MAP4K2: variants seen among roughly 807,000 people sequenced by gnomAD.
MAP4K2 encodes B lymphocyte serine/threonine protein kinase.
A neutral mutation model predicts 125.3 loss-of-function variants in MAP4K2; 85 were observed. That is an observed-to-expected ratio of 0.68 (90% confidence interval 0.57 to 0.81). MAP4K2 has a LOEUF of 0.81. Ranked by LOEUF, MAP4K2 falls within the 40% of genes least tolerant of loss-of-function variation. The pLI, the probability that MAP4K2 is intolerant of heterozygous loss-of-function variation, is 0.00. For missense variants in MAP4K2, 923 were observed against 1,056.4 expected, an observed-to-expected ratio of 0.87 and a Z score of 1.75; for synonymous variants, 479 against 445.1, an observed-to-expected ratio of 1.08 and a Z score of -0.96.
In MAP4K2 at chr11:64,797,027, G is replaced by C; in HGVS notation, c.1366-4C>G. On this transcript the variant is annotated splice_polypyrimidine_tract_variant and splice_region_variant and intron_variant, in intron 19 of 31. Transcript: ENST00000294066. ...GGAGCCCGTGGCAGGATGACCTCTG[G>C]GAGGGAGGAAAGGAGTCAGGGCTGA... 1 of 1,614,080 alleles carries C rather than the reference G, an allele frequency of 6.2e-7. No homozygotes were observed. The highest frequency in any genetic ancestry group is 8.5e-7 in the Non-Finnish European group (1 of 1,180,004).
intron 24 of MAP4K2, among the ~76,000 whole-genome samples, chr11:64,794,625 C>A (rs531560016): frequency 6.6e-6 from 1 of 152,074 alleles, no homozygotes; most frequent in Non-Finnish European, 1.5e-5. Context: ...TCCCAAAGTG[C>A]GGGATTACAG....
intron 27 of MAP4K2, 151 bp downstream of exon 27, chr11:64,791,758 G>A: frequency 1.3e-6 from 1 of 744,258 alleles, no homozygotes; most frequent in Non-Finnish European, 2.0e-6. Flanking sequence ...GGGAGGCTGT[G>A]GGCCCCAGAC....
chr11:64,794,867 G>A (rs922091921), intron 24 of MAP4K2, among the ~76,000 whole-genome samples: 3 of 151,920 alleles, frequency 2.0e-5, no homozygotes, highest in South Asian at 4.2e-4. Context: ...CCTCAGTACC[G>A]GCTGCTAACT....
Position 64,792,056 on chromosome 11 carries a change from C to G in MAP4K2, c.1945G>C (p.Gly649Arg). 1 of 1,593,244 alleles carries G rather than the reference C, an allele frequency of 6.3e-7. No individual in the cohort carries two copies. Among genetic ancestry groups the G allele is most frequent in the Non-Finnish European group, 8.5e-7 (1 of 1,170,350 alleles). Residue 649 changes from glycine to arginine, a missense_variant, in exon 27 of 32, where the codon GGG becomes CGG. Around this residue, in one of 2 missense-constraint regions of MAP4K2, gnomAD observed 833 missense variants for 911.4 expected, o/e 0.91. Transcript: ENST00000294066. ...NFSSPLPSPA[G>R]MLEPLVLDGK... ...TCCAGCACCAGCGGCTCCAGCATCC[C>G]AGCTGGGCTGGGCAGAGGGCTGGAG...
chr11:64,792,825 T>C (rs1288365351), intron 24 of MAP4K2, among the ~76,000 whole-genome samples: 1 of 152,152 alleles, frequency 6.6e-6, no homozygotes, highest in African/African-American at 2.4e-5. Context: ...CTGGGAATCG[T>C]GTGTGCTCAC....
chr11:64,802,754 C>A, intron 2 of MAP4K2, 101 bp from the exon 3 acceptor site: 1 of 1,458,326 alleles, frequency 6.9e-7, no homozygotes, highest in Non-Finnish European at 9.4e-7. Context: ...CCGGGCCAGG[C>A]AGGTGCAGGT....
chr11:64,802,801 G>A (rs1592618120), intron 2 of MAP4K2, 84 bp downstream of exon 2: 1 of 1,512,690 alleles, frequency 6.6e-7, no homozygotes, highest in Admixed American at 1.9e-5. Flanking sequence ...CAGGGGTCTC[G>A]GAAACGTCAA....
chr11:64,796,370 C>A lies in MAP4K2; in HGVS notation c.1654G>T (p.Ala552Ser). The change falls in exon 24 of 32, where the codon GCC becomes TCC. Residue 552 changes from alanine (A) to serine (S), a missense_variant. Ala to Ser is a moderately conservative substitution (Grantham distance 99, BLOSUM62 1). Coordinates refer to ENST00000294066, the MANE Select transcript of MAP4K2 (RefSeq NM_004579.5). ...SLSGKSTHIW[A>S]HDLPGLFEQR... ...TCAAACAGGCCTGGGAGGTCATGGGCCCAGATGTGCGTGGATTTCCCTGCA... is the reference window on the plus strand; with the variant it reads ...TCAAACAGGCCTGGGAGGTCATGGGACCAGATGTGCGTGGATTTCCCTGCA... The A allele has an allele frequency of 6.2e-7, 1 of 1,600,996 alleles. No homozygotes were observed. Among genetic ancestry groups the A allele is most frequent in the Non-Finnish European group, 8.5e-7 (1 of 1,172,938 alleles).
intron 24 of MAP4K2, among the ~76,000 whole-genome samples, chr11:64,793,216 C>CAA (rs35347538): frequency 2.3e-4 from 35 of 149,174 alleles, no homozygotes; most frequent in South Asian, 1.1e-3. Flanking sequence ...AACTCGGTCT[C>CAA]AAAAAAAAAG....
rs911888334 is a variant in MAP4K2 at position 64,787,986 on chromosome 11, C to T, written c.*1551G>A. 22 of 152,218 alleles carry T rather than the reference C, an allele frequency of 1.4e-4. No individual in the cohort carries two copies. The highest frequency in any genetic ancestry group is 5.1e-4 in the African/African-American group (21 of 41,438). The allele number at this position is 152,218 out of a possible 1,614,324, so 9.4% of individuals were successfully genotyped here. On this transcript the variant is annotated 3_prime_UTR_variant, in exon 32 of 32. Transcript: ENST00000294066. ...GGTGCCCCTCACCCTCCTTGGGGCT[C>T]ACGGGAACATGGGTGTGAATGCCTG...
In MAP4K2 at chr11:64,789,970, C is replaced by G; in HGVS notation, c.2249-11G>C. On this transcript the variant is annotated splice_polypyrimidine_tract_variant and intron_variant, in intron 29 of 31. Coordinates refer to ENST00000294066, the MANE Select transcript of MAP4K2 (RefSeq NM_004579.5). ...TGTCCTGCAGGCACACTATGGGGGC[C>G]AGGCCACCATCAGCCCTGCACCCAT... The G allele has an allele frequency of 6.2e-7, 1 of 1,612,848 alleles. No individual in the cohort carries two copies. The highest frequency in any genetic ancestry group is 8.5e-7 in the Non-Finnish European group (1 of 1,179,826).
chr11:64,800,220 G>C lies in MAP4K2; in HGVS notation c.808-4C>G, dbSNP rs2301564. On this transcript the variant is annotated splice_polypyrimidine_tract_variant and splice_region_variant and intron_variant, in intron 11 of 31. Coordinates refer to ENST00000294066, the MANE Select transcript of MAP4K2 (RefSeq NM_004579.5). ...GCTGCTGAGTCGTGAACGGGTGCTG[G>C]AAAGTGGGGGAGGGGGGTGATCAGG... 0.026 allele frequency: 41,754 copies of C among 1,612,652 alleles called. 3,868 individuals carry two copies. The East Asian group carries it at 0.27, about 11-fold the overall frequency.
rs576890518 is a variant in MAP4K2, at chr11:64,797,623, C to T, written c.1136+3G>A. On this transcript the variant is annotated splice_donor_region_variant and intron_variant, in intron 16 of 31. Coordinates refer to ENST00000294066, the MANE Select transcript of MAP4K2 (RefSeq NM_004579.5). Reference sequence around the variant, plus strand: ...GCCCCTCCCCCAGGCCCACATCCCTCACCTTTCCTCCAGGGCCTCCTGGAC... The same window carrying T: ...GCCCCTCCCCCAGGCCCACATCCCTTACCTTTCCTCCAGGGCCTCCTGGAC... 6.3e-6 allele frequency: 10 copies of T among 1,581,836 alleles called. No individual in the cohort carries two copies. The African/African-American group carries it at 1.1e-4, about 17-fold the overall frequency.
intron 29 of MAP4K2, 50 bp downstream of exon 29, chr11:64,790,138 A>G (rs781537229): frequency 2.5e-6 from 4 of 1,601,604 alleles, no homozygotes; most frequent in African/African-American, 2.7e-5. Flanking sequence ...CTGAGCAACA[A>G]CGTGCTCCAG....
chr11:64,791,455 C>T (rs1940470333), intron 27 of MAP4K2, among the ~76,000 whole-genome samples: 1 of 152,324 alleles, frequency 6.6e-6, no homozygotes, highest in Non-Finnish European at 1.5e-5. Context: ...GAACATGGCT[C>T]ACAACTGCCT....
At position 64,800,845 on chromosome 11, in the gene MAP4K2, C is replaced by T; in HGVS notation, c.663-19G>A. ...CAGGGCCCTGTGGAGGGCGCGAGGT[C>T]AGGGGCCACAGGCCGCAGATCAAGG... On this transcript the variant is annotated intron_variant, in intron 9 of 31. Coordinates refer to ENST00000294066, the MANE Select transcript of MAP4K2 (RefSeq NM_004579.5). 1 of 1,613,572 alleles carries T rather than the reference C, an allele frequency of 6.2e-7. No individual in the cohort carries two copies. The highest frequency in any genetic ancestry group is 8.5e-7 in the Non-Finnish European group (1 of 1,179,834).
At position 64,802,649 on chromosome 11, in the gene MAP4K2, G is replaced by A. The variant is rs375333253; in HGVS notation, c.159C>T (p.Asp53=). 6.2e-7 allele frequency: 1 copy of A among 1,612,244 alleles called. No homozygotes were observed. The highest frequency in any genetic ancestry group is 2.2e-5 in the East Asian group (1 of 44,858). ...AVKIVKLDPG[D]DISSLQQEIT... is the part of the protein sequence containing the mutation. ...TTTCCTGCTGGAGGGAGCTGATGTCGTCCCCTGGGAAGCACAAAGCATCAT... is the reference window on the plus strand; with the variant it reads ...TTTCCTGCTGGAGGGAGCTGATGTCATCCCCTGGGAAGCACAAAGCATCAT... Residue 53 remains aspartate (D), a synonymous_variant, in exon 3 of 32, where the codon GAC becomes GAT. Coordinates refer to ENST00000294066, the MANE Select transcript of MAP4K2 (RefSeq NM_004579.5).
In MAP4K2 at chr11:64,792,430, G is replaced by A; in HGVS notation, c.1752-8C>T. On this transcript the variant is annotated splice_polypyrimidine_tract_variant and splice_region_variant and intron_variant, in intron 24 of 31. Coordinates refer to ENST00000294066, the MANE Select transcript of MAP4K2 (RefSeq NM_004579.5). ...GTGGACAGAGCAAAGCGCCTGTAGG[G>A]GTGATAACCAGGGCCTGTGTCTGGG... 1 of 1,580,120 alleles carries A rather than the reference G, an allele frequency of 6.3e-7. No individual in the cohort carries two copies. Among genetic ancestry groups the A allele is most frequent in the Non-Finnish European group, 8.6e-7 (1 of 1,162,722 alleles).
At chr11:64,796,601 GGC>G in intron 22 of MAP4K2, 31 bp downstream of exon 22, 1 of 1,613,960 alleles carries the variant, frequency 6.2e-7, no homozygotes, top group Non-Finnish European at 8.5e-7. Flanking sequence ...GCCCCCACAA[GGC>G]CTCTGCCCCC....
Sources: allele counts gnomAD v4.1 joint callset (sites outside exome capture counted in the v4.1 genomes callset), GRCh38; gene constraint gnomAD v4.1.1; regional missense constraint gnomAD v4.1.1; transcripts MANE v1.5; gene names NCBI Gene and HGNC (gene_info 2026-07-23, HGNC 2026-07-21).